The following KIF13A variants were observed in gnomAD, a reference collection of about 807,000 sequenced individuals.
KIF13A encodes the protein kinesin-like protein KIF13A.
Under a neutral mutation model 212.2 loss-of-function variants are expected in KIF13A, and 79 were observed. That is an observed-to-expected ratio of 0.37 (90% CI 0.31 to 0.45). The LOEUF is 0.45. Among genes scored for constraint, KIF13A ranks in the 20% least tolerant of loss-of-function variants. The pLI is 1.00. For missense variants in KIF13A, 1,901 were observed against 2,209.0 expected (o/e 0.86, Z 2.79); for synonymous variants, 789 against 808.6 (o/e 0.98, Z 0.41).
intron 4 of KIF13A, among the ~76,000 whole-genome samples, chr6:17,862,969 C>A (rs1363155866): frequency 1.3e-5 from 2 of 151,796 alleles, no homozygotes. Flanking sequence ...AACAAACAAA[C>A]AAACAAAAAA....
At chr6:17,852,982 A>G (rs1332580042) in intron 6 of KIF13A, among the ~76,000 whole-genome samples, 1 of 152,232 alleles carries the variant, frequency 6.6e-6, no homozygotes, top group Non-Finnish European at 1.5e-5. Context: ...GGAGATTAAA[A>G]GCAAAGCTAT....
At chr6:17,923,627 G>T (rs1775265727) in intron 2 of KIF13A, among the ~76,000 whole-genome samples, 1 of 151,770 alleles carries the variant, frequency 6.6e-6, no homozygotes, top group African/African-American at 2.4e-5. Context: ...CACAATTACT[G>T]CATTAAGAAA....
Position 17,967,084 on chromosome 6 carries a change from G to A in KIF13A, c.146+19970C>T, listed in dbSNP as rs1779392955. On this transcript the variant is annotated intron_variant, in intron 2 of 38. Coordinates refer to ENST00000259711, the MANE Select transcript of KIF13A (RefSeq NM_022113.6). This position sits in a 1 kb window ranked among gnomAD's most constrained non-coding sequence, Gnocchi z 4.1. ...TTTTGGTATTATGCACTTTCTCAGGGGAAAAGTAATCCGAGGAGATAAAAA... is the reference window on the plus strand; with the variant it reads ...TTTTGGTATTATGCACTTTCTCAGGAGAAAAGTAATCCGAGGAGATAAAAA... 6.6e-6 allele frequency among the ~76,000 whole-genome samples: 1 copy of A among 152,100 alleles called. No homozygotes were observed. Among genetic ancestry groups the A allele is most frequent in the South Asian group, 2.1e-4 (1 of 4,830 alleles).
At position 17,987,123 on chromosome 6, in the gene KIF13A, C is replaced by G; in HGVS notation, c.77G>C (p.Cys26Ser). 1 of 1,613,256 alleles carries G rather than the reference C, an allele frequency of 6.2e-7. No individual in the cohort carries two copies. Among genetic ancestry groups the G allele is most frequent in the Non-Finnish European group, 8.5e-7 (1 of 1,179,296 alleles). ...TTGATTCCCTTCCATCTCCACCACGCACTTGGTGTTCAGTTCCAGTTCTGA... is the reference window on the plus strand; with the variant it reads ...TTGATTCCCTTCCATCTCCACCACGGACTTGGTGTTCAGTTCCAGTTCTGA... ...NRRELELNTK[C>S]VVEMEGNQTV... The change falls in exon 2 of 39, where the codon TGC becomes TCC. Residue 26 changes from cysteine to serine, a missense_variant. By Grantham distance (112) the Cys-to-Ser change is moderately radical (BLOSUM62 -1). Coordinates refer to ENST00000259711, the MANE Select transcript of KIF13A (RefSeq NM_022113.6). This position sits in a 1 kb window ranked among gnomAD's most constrained non-coding sequence, Gnocchi z 7.7.
chr6:17,844,202 G>A (rs1388320219), intron 9 of KIF13A, among the ~76,000 whole-genome samples: 3 of 152,114 alleles, frequency 2.0e-5, no homozygotes, highest in African/African-American at 7.2e-5. Flanking sequence ...ATGAGTAAAG[G>A]ACAGTACCAT....
Position 17,809,802 on chromosome 6 carries a change from G to A in KIF13A, c.2001-872C>T, listed in dbSNP as rs114706276. ...TTCTCTTTTCCACCATTTATACGCC[G>A]CAGGAAATGCTTACATCATAGAAAA... On this transcript the variant is annotated intron_variant, in intron 17 of 38. Transcript: ENST00000259711. This position sits in a 1 kb window ranked among gnomAD's most constrained non-coding sequence, Gnocchi z 4.7. Among the ~76,000 whole-genome samples the A allele has an allele frequency of 8.2e-3, 1,241 of 152,202 alleles. 21 individuals carry two copies. Among genetic ancestry groups the A allele is most frequent in the African/African-American group, 0.029 (1,198 of 41,534 alleles).
Position 17,856,815 on chromosome 6 carries a change from G to T in KIF13A, c.221-693C>A, listed in dbSNP as rs1375441357. Among the ~76,000 whole-genome samples, 2 of 152,186 alleles carry T rather than the reference G, an allele frequency of 1.3e-5. No individual in the cohort carries two copies. Among genetic ancestry groups the T allele is most frequent in the Non-Finnish European group, 2.9e-5 (2 of 68,008 alleles). ...ACAGCATTTGCTACCCTTTGAATTTGGTGATTTTCTAATATTCATTCTGTA... is the reference window on the plus strand; with the variant it reads ...ACAGCATTTGCTACCCTTTGAATTTTGTGATTTTCTAATATTCATTCTGTA... On this transcript the variant is annotated intron_variant, in intron 4 of 38. Coordinates refer to ENST00000259711, the MANE Select transcript of KIF13A (RefSeq NM_022113.6). The surrounding 1 kb of genome is among the most constrained non-coding windows in gnomAD (Gnocchi z 4.5).
At chr6:17,840,871 G>A (rs1345425928) in intron 9 of KIF13A, among the ~76,000 whole-genome samples, 1 of 152,108 alleles carries the variant, frequency 6.6e-6, no homozygotes, top group Non-Finnish European at 1.5e-5. Context: ...CTAAAAACAT[G>A]GCATCAATTT....
Position 17,872,479 on chromosome 6 carries a change from A to G in KIF13A, c.220+898T>C, listed in dbSNP as rs757253871. Among the ~76,000 whole-genome samples the G allele has an allele frequency of 6.6e-6, 1 of 152,176 alleles. No individual in the cohort carries two copies. The highest frequency in any genetic ancestry group is 2.4e-5 in the African/African-American group (1 of 41,432). Reference sequence around the variant, plus strand: ...ACGTACTGTATTCCTGAAAATTGCTAACTGAGTAGACTTTAAGTGTTCTTA... The same window carrying G: ...ACGTACTGTATTCCTGAAAATTGCTGACTGAGTAGACTTTAAGTGTTCTTA... On this transcript the variant is annotated intron_variant, in intron 4 of 38. Coordinates refer to ENST00000259711, the MANE Select transcript of KIF13A (RefSeq NM_022113.6). The surrounding 1 kb of genome is among the most constrained non-coding windows in gnomAD (Gnocchi z 4.7).
At position 17,951,696 on chromosome 6, in the gene KIF13A, C is replaced by A. The variant is rs945545598; in HGVS notation, c.146+35358G>T. 2.6e-5 allele frequency among the ~76,000 whole-genome samples: 4 copies of A among 152,122 alleles called. No individual in the cohort carries two copies. Among genetic ancestry groups the A allele is most frequent in the Non-Finnish European group, 4.4e-5 (3 of 68,032 alleles). On this transcript the variant is annotated intron_variant, in intron 2 of 38. Coordinates refer to ENST00000259711, the MANE Select transcript of KIF13A (RefSeq NM_022113.6). The surrounding 1 kb of genome is among the most constrained non-coding windows in gnomAD (Gnocchi z 4.9). The stretch of plus-strand genomic sequence containing the variant: ...GAATATGTCTGCTCTGGACATTTCA[C>A]ATCAATGGAATCATACAATACATGG...
At chr6:17,906,458 T>G (rs1303421920) in intron 2 of KIF13A, among the ~76,000 whole-genome samples, 1 of 147,552 alleles carries the variant, frequency 6.8e-6, no homozygotes, top group Non-Finnish European at 1.5e-5. Flanking sequence ...TTCTTCTTTT[T>G]TTTTTTTTTG....
Position 17,774,000 on chromosome 6 carries a change from G to A in KIF13A, c.4219-417C>T, listed in dbSNP as rs770967856. 6.6e-6 allele frequency among the ~76,000 whole-genome samples: 1 copy of A among 152,180 alleles called. No individual in the cohort carries two copies. The highest frequency in any genetic ancestry group is 1.5e-5 in the Non-Finnish European group (1 of 68,034). ...TTCTGCCTGGGTAGAAGGCACAGCT[G>A]AGACTGTCCAAGGCAAATTTGGCAG... On this transcript the variant is annotated intron_variant, in intron 35 of 38. Transcript: ENST00000259711. The surrounding 1 kb of genome is among the most constrained non-coding windows in gnomAD (Gnocchi z 4.2).
intron 23 of KIF13A, among the ~76,000 whole-genome samples, chr6:17,795,428 C>CAAA (rs75554746): frequency 1.1e-5 from 1 of 91,820 alleles, no homozygotes; most frequent in Non-Finnish European, 2.4e-5. Context: ...ACCAAAAATA[C>CAAA]AAAAAAAAAA....
At position 17,809,390 on chromosome 6, in the gene KIF13A, C is replaced by G. The variant is rs532799741; in HGVS notation, c.2001-460G>C. On this transcript the variant is annotated intron_variant, in intron 17 of 38. Coordinates refer to ENST00000259711, the MANE Select transcript of KIF13A (RefSeq NM_022113.6). This position sits in a 1 kb window ranked among gnomAD's most constrained non-coding sequence, Gnocchi z 4.7. ...CAATGGTAAGGTAGTTCTGCAGTAG[C>G]AGGAATTCTTCGTTTCAACTCTCTG... Among the ~76,000 whole-genome samples the G allele has an allele frequency of 2.4e-4, 36 of 152,278 alleles. No individual in the cohort carries two copies. Among genetic ancestry groups the G allele is most frequent in the Non-Finnish European group, 1.3e-4 (9 of 68,016 alleles).
intron 16 of KIF13A, among the ~76,000 whole-genome samples, chr6:17,819,716 C>G (rs183551481): frequency 1.3e-5 from 2 of 152,102 alleles, no homozygotes; most frequent in African/African-American, 4.8e-5. Context: ...TGACAAACTC[C>G]TATAACTTCT....
chr6:17,806,152 C>T (rs1036652618), intron 18 of KIF13A, among the ~76,000 whole-genome samples: 2 of 152,052 alleles, frequency 1.3e-5, no homozygotes, highest in East Asian at 1.9e-4. Context: ...GGGCTGGTCT[C>T]GAACTCCTGT....
intron 3 of KIF13A, among the ~76,000 whole-genome samples, chr6:17,881,282 A>G (rs1233089394): frequency 6.6e-6 from 1 of 152,164 alleles, no homozygotes; most frequent in Non-Finnish European, 1.5e-5. Flanking sequence ...ACATCTAATA[A>G]AGTTACTAAA....
chr6:17,870,744 C>T (rs60298369), intron 4 of KIF13A, among the ~76,000 whole-genome samples: 2 of 151,654 alleles, frequency 1.3e-5, no homozygotes, highest in East Asian at 3.9e-4. Flanking sequence ...TTCTTTCTTT[C>T]TTTTTTAATC....
chr6:17,761,824 C>G (rs1758599879), downstream of KIF13A, among the ~76,000 whole-genome samples: 1 of 152,114 alleles, frequency 6.6e-6, no homozygotes, highest in Non-Finnish European at 1.5e-5. Flanking sequence ...CTGTTGGGTT[C>G]TAAATAATCT....
Sources: gnomAD v4.1 joint callset for allele counts (sites outside exome capture counted in the v4.1 genomes callset) on GRCh38, gnomAD v4.1.1 for gene constraint, Gnocchi (gnomAD v3.1) non-coding constraint, MANE v1.5 for transcripts, NCBI Gene and HGNC (gene_info 2026-07-23, HGNC 2026-07-21) for gene names.